Variants in CCSER1 observed in about 807,000 individuals in gnomAD.
CCSER1 encodes coiled-coil serine rich protein 1.
In CCSER1, 41 loss-of-function variants were observed where a neutral mutation model predicts 82.0. That is an observed-to-expected ratio of 0.50 (90% CI 0.39 to 0.65). The LOEUF (loss-of-function observed/expected upper bound fraction) is 0.65, where lower values mean the gene tolerates loss of function less well. Among genes scored for constraint, CCSER1 ranks in the 30% least tolerant of loss-of-function variants. The pLI, the probability that CCSER1 is intolerant of heterozygous loss-of-function variation, is 0.00. For missense variants in CCSER1, 1,119 were observed against 1,064.2 expected (o/e 1.05, Z -0.72); for synonymous variants, 414 against 383.9 (o/e 1.08, Z -0.92).
intron 1 of CCSER1, among the ~76,000 whole-genome samples, chr4:90,239,794 G>A (rs1395027327): frequency 1.3e-5 from 2 of 151,972 alleles, no homozygotes; most frequent in Non-Finnish European, 2.9e-5. Flanking sequence ...ATTTTTATTT[G>A]TTCTTAGTTG....
intron 3 of CCSER1, among the ~76,000 whole-genome samples, chr4:90,369,056 T>A (rs1746850475): frequency 6.6e-6 from 1 of 151,812 alleles, no homozygotes; most frequent in Admixed American, 6.6e-5. Flanking sequence ...CCTGCAGAAA[T>A]TTTAAAATCA....
At chr4:90,753,708 G>A (rs1207460529) in intron 7 of CCSER1, among the ~76,000 whole-genome samples, 1 of 152,030 alleles carries the variant, frequency 6.6e-6, no homozygotes, top group Non-Finnish European at 1.5e-5. Flanking sequence ...AAATTGGATT[G>A]TGTCATTCCC....
At chr4:91,175,270 C>CCGTAATAAA (rs1406595677) in intron 10 of CCSER1, among the ~76,000 whole-genome samples, 1 of 152,040 alleles carries the variant, frequency 6.6e-6, no homozygotes, top group Non-Finnish European at 1.5e-5. Context: ...GTGAATAGTG[C>CCGTAATAAA]CGTAATAAAC....
intron 1 of CCSER1, among the ~76,000 whole-genome samples, chr4:90,153,981 G>C (rs1727471303): frequency 6.6e-6 from 1 of 152,100 alleles, no homozygotes; most frequent in South Asian, 2.1e-4. Context: ...GTACTGCCTA[G>C]GTTTTCTTCT....
At chr4:91,008,918 G>A (rs1738752962) in intron 9 of CCSER1, among the ~76,000 whole-genome samples, 1 of 152,212 alleles carries the variant, frequency 6.6e-6, no homozygotes, top group South Asian at 2.1e-4. Flanking sequence ...TCTATTAGAA[G>A]CTGTGGGTCA....
intron 10 of CCSER1, among the ~76,000 whole-genome samples, chr4:91,114,171 G>A (rs967810144): frequency 6.6e-6 from 1 of 152,094 alleles, no homozygotes; most frequent in African/African-American, 2.4e-5. Context: ...TATTAAGATA[G>A]AGTTGTTAAT....
intron 9 of CCSER1, among the ~76,000 whole-genome samples, chr4:90,986,437 T>G (rs1249666095): frequency 6.6e-6 from 1 of 151,834 alleles, no homozygotes; most frequent in Non-Finnish European, 1.5e-5. Context: ...AAACACCTGA[T>G]TATTTCTGAA....
chr4:91,308,564 T>G (rs899394503), intron 10 of CCSER1, among the ~76,000 whole-genome samples: 5 of 150,604 alleles, frequency 3.3e-5, no homozygotes, highest in East Asian at 4.0e-4. Context: ...CATATTTTCA[T>G]AGAGGCTATC....
chr4:91,070,807 C>T lies in CCSER1; in HGVS notation c.2173-15143C>T, dbSNP rs115504143. 7.0e-3 allele frequency among the ~76,000 whole-genome samples: 1,069 copies of T among 152,160 alleles called. 8 individuals carry two copies. Among genetic ancestry groups the T allele is most frequent in the African/African-American group, 0.024 (998 of 41,502 alleles). On this transcript the variant is annotated intron_variant, in intron 9 of 10. Coordinates refer to ENST00000509176, the MANE Select transcript of CCSER1 (RefSeq NM_001145065.2). ...AGGTGCCAAAAAGGTTGGGAACCGC[C>T]GCTCTACAAGAGAGTCTGGTATTAA...
At chr4:90,938,106 G>T (rs539666368) in intron 9 of CCSER1, among the ~76,000 whole-genome samples, 1 of 151,972 alleles carries the variant, frequency 6.6e-6, no homozygotes, top group Non-Finnish European at 1.5e-5. Context: ...TGTAAAAAGG[G>T]TGACATATTT....
At chr4:90,834,096 T>G (rs556377255) in intron 8 of CCSER1, among the ~76,000 whole-genome samples, 2 of 152,306 alleles carry the variant, frequency 1.3e-5, no homozygotes, top group Non-Finnish European at 1.5e-5. Flanking sequence ...GAAAATGGAC[T>G]AAGAGAAGTT....
chr4:90,734,326 T>C (rs1360749028), intron 7 of CCSER1, among the ~76,000 whole-genome samples: 4 of 151,784 alleles, frequency 2.6e-5, no homozygotes, highest in African/African-American at 4.8e-5. Context: ...GGGGTTTCAC[T>C]GCGTTAGCCA....
chr4:91,091,585 C>G (rs894617816), intron 10 of CCSER1, among the ~76,000 whole-genome samples: 1 of 152,182 alleles, frequency 6.6e-6, no homozygotes, highest in Non-Finnish European at 1.5e-5. Flanking sequence ...TTCAGCCATG[C>G]GTAGACCAGT....
intron 4 of CCSER1, among the ~76,000 whole-genome samples, chr4:90,400,336 G>A (rs998502573): frequency 6.6e-6 from 1 of 151,992 alleles, no homozygotes; most frequent in Non-Finnish European, 1.5e-5. Flanking sequence ...TATAAATCCT[G>A]TTGGAAGATA....
chr4:90,393,994 G>T (rs2153540509), intron 3 of CCSER1, among the ~76,000 whole-genome samples: 1 of 151,292 alleles, frequency 6.6e-6, no homozygotes, highest in African/African-American at 2.4e-5. Flanking sequence ...TGCCCAGGAT[G>T]GTCTTAAATT....
chr4:91,553,298 C>G (rs1560758709), intron 10 of CCSER1, among the ~76,000 whole-genome samples: 1 of 151,186 alleles, frequency 6.6e-6, no homozygotes, highest in Non-Finnish European at 1.5e-5. Flanking sequence ...GCTCTACTTG[C>G]CAGTATTTTA....
intron 10 of CCSER1, among the ~76,000 whole-genome samples, chr4:91,167,988 G>T (rs1732295162): frequency 1.4e-5 from 2 of 145,292 alleles, no homozygotes; most frequent in South Asian, 4.5e-4. Flanking sequence ...CTGCCCGGCT[G>T]CCCCATTTGG....
At chr4:90,276,946 G>A (rs970807061) in intron 1 of CCSER1, among the ~76,000 whole-genome samples, 1 of 152,028 alleles carries the variant, frequency 6.6e-6, no homozygotes, top group African/African-American at 2.4e-5. Context: ...TTTATACATT[G>A]GTTTTGCATC....
intron 8 of CCSER1, among the ~76,000 whole-genome samples, chr4:90,856,572 T>C (rs765660035): frequency 1.8e-4 from 28 of 152,104 alleles, no homozygotes; most frequent in Non-Finnish European, 3.4e-4. Context: ...GGTAGAATTA[T>C]GGAAATAACC....
Sources: gnomAD v4.1 joint callset for allele counts (sites outside exome capture counted in the v4.1 genomes callset) on GRCh38, gnomAD v4.1.1 for gene constraint, MANE v1.5 for transcripts, NCBI Gene and HGNC (gene_info 2026-07-23, HGNC 2026-07-21) for gene names.